Variants in SCCPDH observed in about 807,000 individuals in gnomAD.
The protein encoded by SCCPDH is saccharopine dehydrogenase (putative).
SCCPDH carries 34 observed loss-of-function variants against 51.5 expected under a neutral mutation model. The observed-to-expected ratio is 0.66, with a 90% CI of 0.50 to 0.88. The LOEUF is 0.88. Among genes scored for constraint, SCCPDH ranks in the 40% least tolerant of loss-of-function variants. The pLI is 0.00. For missense variants in SCCPDH, 464 were observed against 527.1 expected (o/e 0.88, Z 1.17); for synonymous variants, 187 against 191.3 (o/e 0.98, Z 0.19).
At chr1:246,761,538 C>T (rs1669013760) in intron 9 of SCCPDH, among the ~76,000 whole-genome samples, 1 of 152,204 alleles carries the variant, frequency 6.6e-6, no homozygotes, top group Admixed American at 6.5e-5. Context: ...ACTCTACACC[C>T]GTGAAACAAT....
chr1:246,740,033 G>A, intron 3 of SCCPDH, 139 bp from the exon 4 acceptor site: 1 of 557,148 alleles, frequency 1.8e-6, no homozygotes, highest in Admixed American at 3.6e-5. Flanking sequence ...AAAATATTTT[G>A]ACAGTTAATG....
At chr1:246,756,161 C>T (rs116074457) in intron 5 of SCCPDH, among the ~76,000 whole-genome samples, 3,047 of 152,296 alleles carry the variant, frequency 0.02, 95 homozygotes, top group African/African-American at 0.067. Context: ...GTAGGAGTTA[C>T]TTACAACACG....
chr1:246,745,586 G>C (rs1053530822), intron 5 of SCCPDH, among the ~76,000 whole-genome samples: 1 of 152,200 alleles, frequency 6.6e-6, no homozygotes, highest in Non-Finnish European at 1.5e-5. Context: ...TTCAAGGGCT[G>C]GTGCTGTGGA....
Position 246,726,107 on chromosome 1 carries a change from T to C in SCCPDH, c.191-785T>C, listed in dbSNP as rs78693602. On this transcript the variant is annotated intron_variant, in intron 1 of 11. Coordinates refer to ENST00000366510, the MANE Select transcript of SCCPDH (RefSeq NM_016002.3). ...CTGCTGACCTCGTGATCCACCCTTC[T>C]CGGCTTTCCAAAGTGCTGGGATTAC... Among the ~76,000 whole-genome samples the C allele has an allele frequency of 3.9e-3, 587 of 152,316 alleles. 4 individuals are homozygous for C. The highest frequency in any genetic ancestry group is 0.014 in the African/African-American group (573 of 41,572).
In SCCPDH at chr1:246,747,675, G is replaced by C. The variant is rs534226675; in HGVS notation, c.564+3550G>C. On this transcript the variant is annotated intron_variant, in intron 5 of 11. Transcript: ENST00000366510. ...CCTGACACAGGTAGCCCCTACTGCT[G>C]TGTCATTCCCCTTTTGGCTAGGGTT... is the stretch of plus-strand genomic sequence containing the variant. Among the ~76,000 whole-genome samples the C allele has an allele frequency of 2.8e-5, 4 of 145,306 alleles. No homozygotes were observed. In the East Asian group the frequency reaches 8.2e-4, roughly 30 times the overall value.
At chr1:246,751,284 C>A (rs1481503470) in intron 5 of SCCPDH, among the ~76,000 whole-genome samples, 1 of 150,396 alleles carries the variant, frequency 6.6e-6, no homozygotes, top group African/African-American at 2.5e-5. Context: ...TTTATAGACT[C>A]TTTTTAACCC....
intron 11 of SCCPDH, 121 bp from the exon 12 acceptor site, chr1:246,767,074 C>T: frequency 1.8e-6 from 1 of 571,036 alleles, no homozygotes; most frequent in Non-Finnish European, 3.0e-6. Context: ...TCAAAGGTAG[C>T]CGTGATTACC....
At chr1:246,739,373 C>T (rs1436740726) in intron 3 of SCCPDH, among the ~76,000 whole-genome samples, 3 of 152,152 alleles carry the variant, frequency 2.0e-5, no homozygotes, top group Non-Finnish European at 4.4e-5. Flanking sequence ...AGTAGAGGGG[C>T]ACTCTACAAA....
intron 6 of SCCPDH, 121 bp from the exon 7 acceptor site, chr1:246,758,913 C>T (rs947533900): frequency 1.1e-5 from 8 of 737,616 alleles, no homozygotes; most frequent in Non-Finnish European, 1.7e-5. Flanking sequence ...CTCGGCCTCC[C>T]AAAGTGCTGG....
chr1:246,760,845 C>T (rs1669002451), intron 9 of SCCPDH, among the ~76,000 whole-genome samples: 1 of 152,194 alleles, frequency 6.6e-6, no homozygotes, highest in African/African-American at 2.4e-5. Flanking sequence ...GGAATGTTAG[C>T]ATCACTTGCT....
intron 5 of SCCPDH, among the ~76,000 whole-genome samples, chr1:246,752,683 C>T (rs1378829900): frequency 6.6e-6 from 1 of 151,698 alleles, no homozygotes; most frequent in Non-Finnish European, 1.5e-5. Flanking sequence ...TTTGACCATA[C>T]CTTGGGATGA....
Position 246,758,091 on chromosome 1 carries a change from C to G in SCCPDH, c.565-135C>G, listed in dbSNP as rs1668958400. 1.4e-5 allele frequency: 9 copies of G among 655,802 alleles called. No individual in the cohort carries two copies. In the South Asian group the frequency reaches 2.8e-4, roughly 20 times the overall value. The allele number at this position is 655,802 out of a possible 1,614,324, so 40.6% of individuals were successfully genotyped here. ...CCTAGCTGGTCATGAAAATTCTCCT[C>G]AAGATTATTAAATCAGGGATTATGT... is the stretch of plus-strand genomic sequence containing the variant. On this transcript the variant is annotated intron_variant, in intron 5 of 11. Transcript: ENST00000366510.
intron 9 of SCCPDH, among the ~76,000 whole-genome samples, chr1:246,761,188 G>A (rs890467678): frequency 3.3e-5 from 5 of 151,956 alleles, no homozygotes; most frequent in African/African-American, 4.8e-5. Context: ...CTAATCCCCC[G>A]CCTGTGCACT....
intron 5 of SCCPDH, among the ~76,000 whole-genome samples, chr1:246,757,500 C>T (rs1668948845): frequency 6.6e-6 from 1 of 151,498 alleles, no homozygotes; most frequent in African/African-American, 2.4e-5. Flanking sequence ...CACTGACAGC[C>T]CAAAGTCTCA....
At chr1:246,759,173 A>T in intron 7 of SCCPDH, 22 bp downstream of exon 7, 4 of 1,222,220 alleles carry the variant, frequency 3.3e-6, no homozygotes, top group Non-Finnish European at 4.9e-6. Flanking sequence ...TGGTTTATTT[A>T]TCAATAAAGT....
chr1:246,748,036 A>G (rs931115328), intron 5 of SCCPDH, among the ~76,000 whole-genome samples: 4 of 152,120 alleles, frequency 2.6e-5, no homozygotes, highest in African/African-American at 4.8e-5. Context: ...CTATCCTACA[A>G]TTTCCCCCCT....
At chr1:246,754,495 T>G (rs3007326) in intron 5 of SCCPDH, among the ~76,000 whole-genome samples, 10 of 152,238 alleles carry the variant, frequency 6.6e-5, no homozygotes, top group Admixed American at 6.5e-4. Context: ...TTTTTTCAAC[T>G]AGGCTGTAGC....
Position 246,740,154 on chromosome 1 carries a change from T to G in SCCPDH, c.385-18T>G, listed in dbSNP as rs759931704. 8 of 1,551,244 alleles carry G rather than the reference T, an allele frequency of 5.2e-6. No homozygotes were observed. The African/African-American group carries it at 8.2e-5, about 16-fold the overall frequency. ...CTTTCTGCATAACTAATTAAAATTCTTATCCTGGATTTTTTAGTTTCTGGA... is the reference window on the plus strand; with the variant it reads ...CTTTCTGCATAACTAATTAAAATTCGTATCCTGGATTTTTTAGTTTCTGGA... On this transcript the variant is annotated intron_variant, in intron 3 of 11. Transcript: ENST00000366510.
At chr1:246,730,437 G>C (rs2102980081) in intron 2 of SCCPDH, among the ~76,000 whole-genome samples, 1 of 152,274 alleles carries the variant, frequency 6.6e-6, no homozygotes, top group East Asian at 1.9e-4. Flanking sequence ...TTAAGCTTTA[G>C]AACCTCAATA....
Sources: gnomAD v4.1 joint callset for allele counts (sites outside exome capture counted in the v4.1 genomes callset) on GRCh38, gnomAD v4.1.1 for gene constraint, MANE v1.5 for transcripts, NCBI Gene and HGNC (gene_info 2026-07-23, HGNC 2026-07-21) for gene names.